Variants in SLC12A8 observed in about 807,000 individuals in gnomAD.
The protein encoded by SLC12A8 is cation-chloride cotransporter 9.
In SLC12A8, 69 loss-of-function variants were observed where a neutral mutation model predicts 75.6. The observed-to-expected ratio is 0.91, with a 90% confidence interval of 0.75 to 1.11. SLC12A8 has a LOEUF of 1.11. Ranked by LOEUF, SLC12A8 falls within the 50% of genes most tolerant of loss-of-function variation. The pLI is 0.00. For missense variants in SLC12A8, 877 were observed against 896.7 expected, an observed-to-expected ratio of 0.98 and a Z score of 0.28; for synonymous variants, 365 against 372.8, an observed-to-expected ratio of 0.98 and a Z score of 0.24.
chr3:125,202,774 A>C (rs1416421996), intron 2 of SLC12A8, among the ~76,000 whole-genome samples: 1 of 152,130 alleles, frequency 6.6e-6, no homozygotes, highest in African/African-American at 2.4e-5. Flanking sequence ...AACAAATGGA[A>C]AGACATCCCA....
At chr3:125,102,211 T>C (rs545108972) in intron 10 of SLC12A8, among the ~76,000 whole-genome samples, 3 of 152,254 alleles carry the variant, frequency 2.0e-5, no homozygotes, top group Admixed American at 1.3e-4. Flanking sequence ...TTTTAAATGA[T>C]GTCAGAGTTT....
chr3:125,121,522 T>C (rs1408181341), intron 6 of SLC12A8, among the ~76,000 whole-genome samples: 4 of 152,192 alleles, frequency 2.6e-5, no homozygotes, highest in African/African-American at 9.7e-5. Flanking sequence ...TGGGAATGAA[T>C]CTAACTCCAT....
intron 5 of SLC12A8, among the ~76,000 whole-genome samples, chr3:125,154,542 CAAT>C (rs1934003753): frequency 6.6e-6 from 1 of 152,164 alleles, no homozygotes; most frequent in African/African-American, 2.4e-5. Flanking sequence ...ACAGAATGCT[CAAT>C]AAACATTAGC....
In SLC12A8 at chr3:125,187,341, C is replaced by T. The variant is rs549075265; in HGVS notation, c.286G>A (p.Gly96Arg). The stretch of plus-strand genomic sequence containing the variant: ...CCGCTGCCGATGCTGCTGCGCTCCC[C>T]GACGCCAATGCCAGACAGCACCGTG... ...LVTVLSGIGVGERSSIGSGGV... is the reference protein window; with the variant it reads ...LVTVLSGIGVRERSSIGSGGV... The change falls in exon 4 of 14, where the codon GGG (glycine) becomes AGG (arginine). Residue 96 changes from glycine (G) to arginine (R), a missense_variant. Coordinates refer to ENST00000469902, the MANE Select transcript of SLC12A8 (RefSeq NM_024628.6). 1.1e-4 allele frequency: 184 copies of T among 1,614,214 alleles called. No homozygotes were observed. Among genetic ancestry groups the T allele is most frequent in the Non-Finnish European group, 1.2e-4 (142 of 1,180,032 alleles).
At chr3:125,099,906 C>A (rs568392126) in intron 10 of SLC12A8, among the ~76,000 whole-genome samples, 30 of 152,114 alleles carry the variant, frequency 2.0e-4, no homozygotes, top group Admixed American at 4.6e-4. Context: ...CCAGCCTGGG[C>A]AACAAGAGCG....
At chr3:125,211,782 G>A (rs1319861562) in intron 1 of SLC12A8, among the ~76,000 whole-genome samples, 1 of 152,192 alleles carries the variant, frequency 6.6e-6, no homozygotes, top group African/African-American at 2.4e-5. Flanking sequence ...GCATCATGAC[G>A]CACTAGACCT....
rs753268281 is a variant in SLC12A8, at chr3:125,092,175, G to C, written c.1729C>G (p.Gln577Glu). The change falls in exon 11 of 14, where the codon CAA becomes GAA. Residue 577 changes from glutamine to glutamate, a missense_variant. Transcript: ENST00000469902. Reference protein sequence around the residue: ...GEDFFLKSRLQEQDVWRRSTS... With the variant: ...GEDFFLKSRLEEQDVWRRSTS... ...GATCTTCTCCAGACATCTTGTTCTT[G>C]GAGCCTGGACTTCAGGAAGAAATCT... 1.2e-6 allele frequency: 2 copies of C among 1,612,756 alleles called. No homozygotes were observed. The highest frequency in any genetic ancestry group is 1.7e-6 in the Non-Finnish European group (2 of 1,178,980).
At chr3:125,164,809 A>T (rs1018728905) in intron 5 of SLC12A8, among the ~76,000 whole-genome samples, 2 of 152,202 alleles carry the variant, frequency 1.3e-5, no homozygotes, top group African/African-American at 4.8e-5. Context: ...AGCACTTGAA[A>T]ATACAGACCA....
intron 5 of SLC12A8, among the ~76,000 whole-genome samples, chr3:125,149,948 T>G (rs778720485): frequency 1.3e-5 from 2 of 152,232 alleles, no homozygotes; most frequent in African/African-American, 2.4e-5. Context: ...AATTCTTCAC[T>G]GTTCTAACCC....
chr3:125,116,240 C>G (rs1420554648), intron 8 of SLC12A8, among the ~76,000 whole-genome samples: 1 of 152,214 alleles, frequency 6.6e-6, no homozygotes, highest in Non-Finnish European at 1.5e-5. Flanking sequence ...TCACTGCTTA[C>G]TGACTTGCTG....
intron 2 of SLC12A8, among the ~76,000 whole-genome samples, chr3:125,208,582 G>A (rs955548803): frequency 1.3e-5 from 2 of 151,934 alleles, no homozygotes; most frequent in African/African-American, 2.4e-5. Flanking sequence ...CAGTCATTTT[G>A]TAGGTGAGGA....
intron 2 of SLC12A8, among the ~76,000 whole-genome samples, chr3:125,208,799 G>C (rs1276169046): frequency 1.1e-4 from 15 of 137,164 alleles, no homozygotes; most frequent in East Asian, 2.0e-4. Context: ...CACAGAGAGA[G>C]AGAGAGAGAG....
At chr3:125,211,443 C>T (rs1935335702) in intron 1 of SLC12A8, 49 bp from the exon 2 acceptor site, 2 of 951,678 alleles carry the variant, frequency 2.1e-6, no homozygotes, top group East Asian at 4.8e-5. Flanking sequence ...CTCTCCTCTC[C>T]CCTTGTTGTC....
At chr3:125,209,695 C>T (rs1460235409) in intron 2 of SLC12A8, among the ~76,000 whole-genome samples, 1 of 152,220 alleles carries the variant, frequency 6.6e-6, no homozygotes, top group Non-Finnish European at 1.5e-5. Context: ...CATTTCAATG[C>T]TACATGGTAA....
At chr3:125,205,653 G>A (rs899835448) in intron 2 of SLC12A8, among the ~76,000 whole-genome samples, 3 of 152,186 alleles carry the variant, frequency 2.0e-5, no homozygotes, top group Non-Finnish European at 4.4e-5. Flanking sequence ...AGGAGCATAA[G>A]CCTCTTGTCT....
In SLC12A8 at chr3:125,211,310, C is replaced by T. The variant is rs764602150; in HGVS notation, c.40G>A (p.Ala14Thr). The T allele has an allele frequency of 1.2e-6, 2 of 1,613,666 alleles. No individual in the cohort carries two copies. Among genetic ancestry groups the T allele is most frequent in the Admixed American group, 1.7e-5 (1 of 60,024 alleles). The change falls in exon 2 of 14, where the codon GCA becomes ACA. Residue 14 changes from alanine to threonine, a missense_variant. Transcript: ENST00000469902. ...CATCCTGAGCCTACCTGCTGGGCTG[C>T]CTCATGGAAGAGCTCCTGCACCTGG... ...MSQVQELFHEAAQQDALAQPQ... is the reference protein window; with the variant it reads ...MSQVQELFHETAQQDALAQPQ...
At chr3:125,128,554 A>G (rs9815838) in intron 6 of SLC12A8, among the ~76,000 whole-genome samples, 18,798 of 143,818 alleles carry the variant, frequency 0.13, 1,524 homozygotes, top group Admixed American at 0.18. Context: ...ATCTTGGCTC[A>G]CCGCAACCTC....
intron 3 of SLC12A8, among the ~76,000 whole-genome samples, chr3:125,190,010 C>T (rs1343559468): frequency 2.0e-5 from 3 of 152,040 alleles, no homozygotes; most frequent in South Asian, 2.1e-4. Flanking sequence ...ACCATGTGGG[C>T]GGGCCCAAGA....
intron 10 of SLC12A8, among the ~76,000 whole-genome samples, chr3:125,107,243 C>T (rs777011896): frequency 6.6e-6 from 1 of 152,176 alleles, no homozygotes; most frequent in Non-Finnish European, 1.5e-5. Flanking sequence ...CTAGCTGTGG[C>T]TCTCAGGTCT....
Sources: gnomAD v4.1 joint callset for allele counts (sites outside exome capture counted in the v4.1 genomes callset) on GRCh38, gnomAD v4.1.1 for gene constraint, MANE v1.5 for transcripts, NCBI Gene and HGNC (gene_info 2026-07-23, HGNC 2026-07-21) for gene names.